ZNF721: variants seen among roughly 807,000 people sequenced by gnomAD.
The protein encoded by ZNF721 is zinc finger protein 721.
In ZNF721, 2 loss-of-function variants were observed where a neutral mutation model predicts 2.4. The ratio of observed to expected loss-of-function variants is 0.82; its 90% CI spans 0.34 to 2.58. The LOEUF is 2.58. ZNF721 is among the 30% of genes most tolerant of loss of function. ZNF721 has a pLI of 0.11. For missense variants in ZNF721, 1,187 were observed against 1,085.5 expected (o/e 1.09, Z -1.31); for synonymous variants, 398 against 381.8 (o/e 1.04, Z -0.50).
intron 2 of ZNF721, among the ~76,000 whole-genome samples, chr4:463,559 T>C (rs1576961998): frequency 6.6e-6 from 1 of 152,100 alleles, no homozygotes; most frequent in Non-Finnish European, 1.5e-5. Flanking sequence ...ATATACACCA[T>C]GGAATGCTAT....
intron 2 of ZNF721, among the ~76,000 whole-genome samples, chr4:449,017 T>A (rs979601525): frequency 6.6e-6 from 1 of 152,152 alleles, no homozygotes; most frequent in Non-Finnish European, 1.5e-5. Context: ...ACATCAGATA[T>A]CTAAAGTGGT....
Position 444,031 on chromosome 4 carries a change from A to C in ZNF721, c.436T>G (p.Phe146Val). The change falls in exon 3 of 3, where the codon TTT becomes GTT. Residue 146 changes from phenylalanine to valine, a missense_variant. Phe to Val is a conservative substitution (Grantham distance 50). Transcript: ENST00000511833. ...PYTCEERGKD[F>V]GWYTDLNQHK... ...TGATTCAGGTCTGTGTACCATCCAA[A>C]GTCTTTGCCACGTTCTTCACAAGTG... 1 of 1,613,688 alleles carries C rather than the reference A, an allele frequency of 6.2e-7. No homozygotes were observed. The highest frequency in any genetic ancestry group is 8.5e-7 in the Non-Finnish European group (1 of 1,179,720).
chr4:456,050 T>TTTTATTTATTTA (rs59869428), intron 2 of ZNF721, among the ~76,000 whole-genome samples: 8,269 of 144,348 alleles, frequency 0.057, 376 homozygotes, highest in African/African-American at 0.12. Flanking sequence ...CCAAAAAAAT[T>TTTTATTTATTTA]TTTATTTATT....
At chr4:452,415 G>A (rs797031080) in intron 2 of ZNF721, among the ~76,000 whole-genome samples, 1 of 152,216 alleles carries the variant, frequency 6.6e-6, no homozygotes, top group South Asian at 2.1e-4. Context: ...AGGAGGCCCA[G>A]AAATTTATTG....
At position 443,148 on chromosome 4, in the gene ZNF721, G is replaced by A. The variant is rs1045161051; in HGVS notation, c.1319C>T (p.Thr440Ile). 3 of 1,613,722 alleles carry A rather than the reference G, an allele frequency of 1.9e-6. No homozygotes were observed. The highest frequency in any genetic ancestry group is 2.5e-6 in the Non-Finnish European group (3 of 1,179,858). The stretch of plus-strand genomic sequence containing the variant: ...TTTACATTTGTAGGGTTTATCTCCA[G>A]TATGAATTTTCTTATATTCATTCAG... ...TNLNEYKKIH[T>I]GDKPYKCKEC... Residue 440 changes from threonine to isoleucine, a missense_variant, in exon 3 of 3, where the codon ACT becomes ATT. Physicochemically the swap from Thr to Ile is moderately conservative, Grantham distance 89. Transcript: ENST00000511833.
At chr4:481,169 A>G (rs1365859526) in intron 1 of ZNF721, among the ~76,000 whole-genome samples, 4 of 152,114 alleles carry the variant, frequency 2.6e-5, no homozygotes, top group African/African-American at 9.7e-5. Flanking sequence ...TAATTATCCT[A>G]TCTCAACCTC....
At chr4:486,002 A>T (rs1199005196) in intron 1 of ZNF721, among the ~76,000 whole-genome samples, 1 of 149,302 alleles carries the variant, frequency 6.7e-6, no homozygotes, top group Non-Finnish European at 1.5e-5. Flanking sequence ...AAATAAATAG[A>T]TAGATTCTGG....
intron 1 of ZNF721, among the ~76,000 whole-genome samples, chr4:482,859 CTGTACTT>C (rs1715803573): frequency 6.6e-6 from 1 of 152,178 alleles, no homozygotes; most frequent in Non-Finnish European, 1.5e-5. Flanking sequence ...CTCTATGGAT[CTGTACTT>C]TGTTAGAAAT....
chr4:495,602 ATTTC>A (rs1553872112), intron 1 of ZNF721, among the ~76,000 whole-genome samples: 1 of 145,690 alleles, frequency 6.9e-6, no homozygotes, highest in East Asian at 2.0e-4. Context: ...GAAGTTTGCC[ATTTC>A]TTCTTTTTTT....
intron 1 of ZNF721, among the ~76,000 whole-genome samples, chr4:492,789 A>G (rs1257594044): frequency 8.1e-6 from 1 of 122,900 alleles, no homozygotes; most frequent in Non-Finnish European, 1.7e-5. Flanking sequence ...AAGCCTTCTT[A>G]CCAAAAAAAA....
Position 444,014 on chromosome 4 carries a change from G to C in ZNF721, c.453C>G (p.Asp151Glu), listed in dbSNP as rs376114031. 1.1e-5 allele frequency: 18 copies of C among 1,613,778 alleles called. No individual in the cohort carries two copies. The highest frequency in any genetic ancestry group is 1.5e-5 in the Non-Finnish European group (18 of 1,179,742). Residue 151 changes from aspartate to glutamate, a missense_variant, in exon 3 of 3, where the codon GAC (aspartate) becomes GAG (glutamate). Asp to Glu is a conservative substitution (Grantham distance 45, BLOSUM62 2). Transcript: ENST00000511833. ...ERGKDFGWYT[D>E]LNQHKKIHTG... is the part of the protein sequence containing the mutation. ...TATGAATTTTCTTGTGTTGATTCAG[G>C]TCTGTGTACCATCCAAAGTCTTTGC...
intron 2 of ZNF721, among the ~76,000 whole-genome samples, chr4:465,686 G>A (rs1437500826): frequency 6.6e-6 from 1 of 151,576 alleles, no homozygotes; most frequent in Non-Finnish European, 1.5e-5. Context: ...CCTCGTGATC[G>A]GCCTCCCAAA....
Position 441,844 on chromosome 4 carries a change from T to C in ZNF721, c.2623A>G (p.Arg875Gly), listed in dbSNP as rs2108686881. ...YTCGECGKTF[R>G]QSANLYAHKK... ...TGCGCATAAAGATTTGCAGACTGTC[T>C]AAAGGTTTTGCCACATTCTCCACAT... is the stretch of plus-strand genomic sequence containing the variant. The change falls in exon 3 of 3, where the codon AGA becomes GGA. Residue 875 changes from arginine to glycine, a missense_variant. Arg to Gly is a moderately radical substitution (Grantham distance 125). Coordinates refer to ENST00000511833, the MANE Select transcript of ZNF721 (RefSeq NM_133474.4). The C allele has an allele frequency of 6.2e-7, 1 of 1,614,054 alleles. No individual in the cohort carries two copies.
intron 1 of ZNF721, among the ~76,000 whole-genome samples, chr4:476,518 G>A (rs1165011204): frequency 1.3e-5 from 2 of 152,196 alleles, no homozygotes; most frequent in Non-Finnish European, 2.9e-5. Context: ...CATTGTCCCA[G>A]GTGATGCTTC....
chr4:490,147 C>T lies in ZNF721; in HGVS notation c.-94+8909G>A, dbSNP rs1398199997. 4.0e-5 allele frequency among the ~76,000 whole-genome samples: 6 copies of T among 151,086 alleles called. No individual in the cohort carries two copies. In the East Asian group the frequency reaches 1.0e-3, roughly 25 times the overall value. Reference sequence around the variant, plus strand: ...TGCTGGGATTACAAGAGTGAGACACCGTGCCCGGCCAACATTTTGGATACA... The same window carrying T: ...TGCTGGGATTACAAGAGTGAGACACTGTGCCCGGCCAACATTTTGGATACA... On this transcript the variant is annotated intron_variant, in intron 1 of 2. Coordinates refer to ENST00000511833, the MANE Select transcript of ZNF721 (RefSeq NM_133474.4).
intron 1 of ZNF721, among the ~76,000 whole-genome samples, chr4:474,896 A>T (rs1715586204): frequency 6.6e-6 from 1 of 151,718 alleles, no homozygotes; most frequent in South Asian, 2.1e-4. Flanking sequence ...CAAATAAATG[A>T]ATAAAATGTT....
intron 2 of ZNF721, among the ~76,000 whole-genome samples, chr4:455,928 C>T (rs1390808709): frequency 6.6e-6 from 1 of 152,032 alleles, no homozygotes; most frequent in African/African-American, 2.4e-5. Flanking sequence ...TTTCAAAAAT[C>T]ACCTTTGAAT....
At chr4:446,043 C>A (rs1553864108) in intron 2 of ZNF721, among the ~76,000 whole-genome samples, 1 of 152,098 alleles carries the variant, frequency 6.6e-6, no homozygotes, top group Non-Finnish European at 1.5e-5. Context: ...AAAGACCTTT[C>A]AAGATAAGCA....
intron 2 of ZNF721, among the ~76,000 whole-genome samples, chr4:456,122 G>C (rs1331999176): frequency 6.6e-6 from 1 of 151,490 alleles, no homozygotes; most frequent in East Asian, 1.9e-4. Flanking sequence ...CCAGGCTGGA[G>C]TGCAGTGGCA....
Sources: gnomAD v4.1 joint callset for allele counts (sites outside exome capture counted in the v4.1 genomes callset) on GRCh38, gnomAD v4.1.1 for gene constraint, MANE v1.5 for transcripts, NCBI Gene and HGNC (gene_info 2026-07-23, HGNC 2026-07-21) for gene names.